Variants in SOX6 observed in about 807,000 individuals in gnomAD.
SOX6 encodes the protein transcription factor SOX-6.
SOX6 carries 11 observed loss-of-function variants against 97.8 expected under a neutral mutation model. The ratio of observed to expected loss-of-function variants is 0.11; its 90% confidence interval spans 0.07 to 0.19. SOX6 has a LOEUF of 0.19. SOX6 is among the 10% of genes least tolerant of loss of function. SOX6 has a pLI of 1.00. For synonymous variants in SOX6, 360 were observed against 371.4 expected (o/e 0.97, Z 0.35); for missense variants, 810 against 1,039.5 (o/e 0.78, Z 3.04).
intron 3 of SOX6, among the ~76,000 whole-genome samples, chr11:16,242,838 A>G (rs1377854198): frequency 2.0e-5 from 3 of 152,034 alleles, no homozygotes; most frequent in African/African-American, 7.2e-5. Context: ...AGATCAATTT[A>G]AAACAAGGTT....
intron 3 of SOX6, among the ~76,000 whole-genome samples, chr11:16,709,099 G>A (rs1848157694): frequency 6.6e-6 from 1 of 152,218 alleles, no homozygotes; most frequent in Non-Finnish European, 1.5e-5. Context: ...CAAATCTCAT[G>A]TAAATCCCAG....
chr11:16,233,354 C>T (rs1414891050), intron 4 of SOX6, among the ~76,000 whole-genome samples: 1 of 152,122 alleles, frequency 6.6e-6, no homozygotes, highest in African/African-American at 2.4e-5. Context: ...AATGAATCAG[C>T]AAGAGTTTGG....
chr11:16,578,859 G>C (rs898278978), intron 4 of SOX6, among the ~76,000 whole-genome samples: 4 of 152,116 alleles, frequency 2.6e-5, no homozygotes, highest in Admixed American at 2.0e-4. Context: ...CAGAGGACAG[G>C]AAACTACCAA....
At chr11:16,237,170 C>A (rs1853049216) in intron 3 of SOX6, among the ~76,000 whole-genome samples, 2 of 151,950 alleles carry the variant, frequency 1.3e-5, no homozygotes, top group Non-Finnish European at 2.9e-5. Flanking sequence ...AGTCTCTTGA[C>A]AAATGACTGC....
intron 3 of SOX6, among the ~76,000 whole-genome samples, chr11:16,235,907 G>C (rs1023302751): frequency 7.2e-5 from 11 of 152,034 alleles, no homozygotes; most frequent in Non-Finnish European, 4.4e-5. Flanking sequence ...ATTAACATTT[G>C]TCTGTGACAC....
rs555119690 is a variant in SOX6, at chr11:16,098,604, T to G, written c.899-916A>C. Among the ~76,000 whole-genome samples, 6 of 152,014 alleles carry G rather than the reference T, an allele frequency of 3.9e-5. No homozygotes were observed. The East Asian group carries it at 9.7e-4, about 25-fold the overall frequency. ...GAGGTAACTGAAATAAAAATTAGTA[T>G]GTGTGGATAAATTTCACAATATCAG... is the stretch of plus-strand genomic sequence containing the variant. On this transcript the variant is annotated intron_variant, in intron 7 of 15. Transcript: ENST00000683767.
intron 6 of SOX6, among the ~76,000 whole-genome samples, chr11:16,147,688 C>A (rs546477562): frequency 6.6e-6 from 1 of 152,212 alleles, no homozygotes; most frequent in Non-Finnish European, 1.5e-5. Context: ...ACCGAAATTT[C>A]CTTTTTATTG....
At chr11:16,085,262 G>C (rs1848552879) in intron 9 of SOX6, among the ~76,000 whole-genome samples, 1 of 152,084 alleles carries the variant, frequency 6.6e-6, no homozygotes, top group Non-Finnish European at 1.5e-5. Flanking sequence ...CCAGTATGGT[G>C]AGGACTGGTT....
At chr11:16,389,442 C>T (rs1858091326) in intron 1 of SOX6, among the ~76,000 whole-genome samples, 1 of 152,158 alleles carries the variant, frequency 6.6e-6, no homozygotes. Context: ...ACTGTCATCT[C>T]TATTCTGCTG....
intron 6 of SOX6, among the ~76,000 whole-genome samples, chr11:16,126,654 T>C (rs1246402756): frequency 6.6e-6 from 1 of 152,150 alleles, no homozygotes; most frequent in East Asian, 1.9e-4. Context: ...AAGCAGACTG[T>C]CTAGCTGAGA....
At chr11:16,721,530 CTCTCTCTCTCTCTCTCTCTCTT>C in intron 2 of SOX6, among the ~76,000 whole-genome samples, 1 of 71,176 alleles carries the variant, frequency 1.4e-5, no homozygotes, top group Non-Finnish European at 2.9e-5. Flanking sequence ...CTCTCTCTCT[CTCTCTCTCTCTCTCTCTCTCTT>C]CCCCCCCCTC....
At chr11:16,699,939 TG>T (rs1456993902) in intron 3 of SOX6, among the ~76,000 whole-genome samples, 6 of 152,080 alleles carry the variant, frequency 3.9e-5, no homozygotes. Context: ...GCAAAACAAG[TG>T]GACACTAGAA....
chr11:16,303,588 T>C (rs1855331569), intron 3 of SOX6, among the ~76,000 whole-genome samples: 1 of 152,212 alleles, frequency 6.6e-6, no homozygotes, highest in Non-Finnish European at 1.5e-5. Context: ...TTCTCAAGAT[T>C]TTCTTAGCTA....
chr11:15,992,638 G>A (rs563808933), intron 13 of SOX6, among the ~76,000 whole-genome samples: 1 of 152,216 alleles, frequency 6.6e-6, no homozygotes, highest in South Asian at 2.1e-4. Context: ...CCTAGAAAGG[G>A]AGTCTATCCT....
chr11:16,022,643 C>A (rs760628049), intron 12 of SOX6, among the ~76,000 whole-genome samples: 8 of 152,064 alleles, frequency 5.3e-5, no homozygotes, highest in Non-Finnish European at 8.8e-5. Flanking sequence ...GAACTCCTGA[C>A]CTCAGGTGAT....
At chr11:16,250,288 C>T (rs2030290) in intron 3 of SOX6, among the ~76,000 whole-genome samples, 1 of 151,388 alleles carries the variant, frequency 6.6e-6, no homozygotes, top group Non-Finnish European at 1.5e-5. Context: ...ACGGCCTTGC[C>T]TTTTTTAGAA....
chr11:16,160,075 G>A (rs1303763538), intron 6 of SOX6, among the ~76,000 whole-genome samples: 1 of 152,116 alleles, frequency 6.6e-6, no homozygotes, highest in Non-Finnish European at 1.5e-5. Context: ...TAACGTACAA[G>A]GCTGCTGCAG....
intron 4 of SOX6, among the ~76,000 whole-genome samples, chr11:16,535,060 A>C (rs1177176890): frequency 6.6e-6 from 1 of 152,186 alleles, no homozygotes; most frequent in Non-Finnish European, 1.5e-5. Flanking sequence ...ATAATGATGG[A>C]ATTTGACCTG....
intron 13 of SOX6, 81 bp downstream of exon 13, chr11:16,014,861 T>A (rs989578593): frequency 7.5e-7 from 1 of 1,339,062 alleles, no homozygotes; most frequent in African/African-American, 1.4e-5. Context: ...TATGAAAAAC[T>A]ATAAAGATCC....
Sources: allele counts gnomAD v4.1 joint callset (sites outside exome capture counted in the v4.1 genomes callset), GRCh38; gene constraint gnomAD v4.1.1; transcripts MANE v1.5; gene names NCBI Gene and HGNC (gene_info 2026-07-23, HGNC 2026-07-21).